The following JUP variants were observed in gnomAD, a reference collection of about 807,000 sequenced individuals.
JUP encodes junction plakoglobin, also known as catenin (cadherin-associated protein), gamma 80kDa.
Under a neutral mutation model 71.1 loss-of-function variants are expected in JUP, and 28 were observed. That is an observed-to-expected ratio of 0.39 (90% CI 0.29 to 0.54). JUP has a LOEUF of 0.54. Among genes scored for constraint, JUP ranks in the 20% least tolerant of loss-of-function variants. The pLI, the probability that JUP is intolerant of heterozygous loss-of-function variation, is 0.62. For missense variants in JUP, 869 were observed against 1,030.1 expected (o/e 0.84, Z 2.14); for synonymous variants, 401 against 438.9 (o/e 0.91, Z 1.08).
chr17:41,767,581 C>T lies in JUP; in HGVS notation c.708-1G>A. Reference sequence around the variant, plus strand: ...GAACAGGACCGACTCCACAGGGGAGCTGGGGGGGTGGGCAGGGGTTAGTAC... The same window carrying T: ...GAACAGGACCGACTCCACAGGGGAGTTGGGGGGGTGGGCAGGGGTTAGTAC... On this transcript the variant is annotated splice_acceptor_variant, in intron 4 of 13. Coordinates refer to ENST00000393931, the MANE Select transcript of JUP (RefSeq NM_002230.4). LOFTEE classifies it high-confidence loss of function. The T allele has an allele frequency of 9.7e-7, 1 of 1,031,848 alleles. No individual in the cohort carries two copies. Among genetic ancestry groups the T allele is most frequent in the Non-Finnish European group, 1.4e-6 (1 of 689,768 alleles). 63.9% of individuals were successfully genotyped at this position (1,031,848 alleles called of 1,614,324 possible). A position where few individuals can be genotyped will look rare whatever the true frequency, so the allele number is the denominator to read the frequency against.
At chr17:41,756,994 G>A (rs1182081399) in intron 12 of JUP, among the ~76,000 whole-genome samples, 1 of 152,222 alleles carries the variant, frequency 6.6e-6, no homozygotes, top group Non-Finnish European at 1.5e-5. Flanking sequence ...GGGTCACCCA[G>A]TGCCCTGATA....
At position 41,760,396 on chromosome 17, in the gene JUP, C is replaced by T. The variant is rs536511383; in HGVS notation, c.1498-1526G>A. On this transcript the variant is annotated intron_variant, in intron 8 of 13. Coordinates refer to ENST00000393931, the MANE Select transcript of JUP (RefSeq NM_002230.4). ...TCAGCCTCCTGAGTAGCTGGGACCA[C>T]AGGCGCCCGCCACCACGCCTGGCTA... Among the ~76,000 whole-genome samples, 4 of 151,346 alleles carry T rather than the reference C, an allele frequency of 2.6e-5. No individual in the cohort carries two copies. In the Middle Eastern group the frequency reaches 0.014, roughly 522 times the overall value.
chr17:41,782,035 C>T (rs2047192465), intron 1 of JUP, among the ~76,000 whole-genome samples: 1 of 152,218 alleles, frequency 6.6e-6, no homozygotes, highest in Non-Finnish European at 1.5e-5. Flanking sequence ...CCTGGGGTCC[C>T]CGCCTGCCCT....
rs1479308804 is a variant in JUP, at chr17:41,755,041, C to T, written c.*703G>A. ...TGGGGGTTTGGGTCTCGAACCTGGGCCCTGGAGGCCCTGGGGGCTTAGGGC... is the reference window on the plus strand; with the variant it reads ...TGGGGGTTTGGGTCTCGAACCTGGGTCCTGGAGGCCCTGGGGGCTTAGGGC... On this transcript the variant is annotated 3_prime_UTR_variant, in exon 14 of 14. Coordinates refer to ENST00000393931, the MANE Select transcript of JUP (RefSeq NM_002230.4). The T allele has an allele frequency of 8.1e-6, 3 of 371,692 alleles. No individual in the cohort carries two copies. The highest frequency in any genetic ancestry group is 4.2e-5 in the African/African-American group (2 of 48,072). The allele number at this position is 371,692 out of a possible 1,614,324, so 23.0% of individuals were successfully genotyped here.
At chr17:41,781,847 C>A (rs1258845262) in intron 1 of JUP, among the ~76,000 whole-genome samples, 2 of 152,206 alleles carry the variant, frequency 1.3e-5, no homozygotes, top group African/African-American at 4.8e-5. Context: ...GCCCCTCCTC[C>A]TGTCTAGACT....
At chr17:41,757,342 C>T in intron 12 of JUP, 73 bp downstream of exon 12, 1 of 1,519,318 alleles carries the variant, frequency 6.6e-7, no homozygotes, top group Admixed American at 1.7e-5. Flanking sequence ...AGTAGGAGAC[C>T]CCCAAAAGTG....
intron 8 of JUP, among the ~76,000 whole-genome samples, chr17:41,760,572 T>A (rs1304045138): frequency 1.3e-5 from 2 of 149,872 alleles, no homozygotes; most frequent in East Asian, 4.0e-4. Flanking sequence ...TTTTTGTTTT[T>A]GTTTTCCAAG....
intron 1 of JUP, among the ~76,000 whole-genome samples, chr17:41,783,893 C>CAAAAAAAAAAAAA (rs35672991): frequency 1.2e-5 from 1 of 81,998 alleles, no homozygotes; most frequent in Non-Finnish European, 2.3e-5. Flanking sequence ...GACTCCATCT[C>CAAAAAAAAAAAAA]AAAAAAAAAA....
Position 41,771,393 on chromosome 17 carries a change from G to A in JUP, c.208+254C>T, listed in dbSNP as rs140530601. 1.9e-5 allele frequency: 11 copies of A among 571,514 alleles called. No homozygotes were observed. In the East Asian group the frequency reaches 3.0e-4, roughly 15 times the overall value. The allele number at this position is 571,514 out of a possible 1,614,324, so 35.4% of individuals were successfully genotyped here. ...CTATGGCTTTTCCTTCAGACTGGAG[G>A]CACCCTAAGGGCAGGGACTATGCCT... is the stretch of plus-strand genomic sequence containing the variant. On this transcript the variant is annotated intron_variant, in intron 2 of 13. Transcript: ENST00000393931.
At chr17:41,768,742 T>C (rs1916099099) in intron 4 of JUP, among the ~76,000 whole-genome samples, 1 of 152,204 alleles carries the variant, frequency 6.6e-6, no homozygotes, top group Non-Finnish European at 1.5e-5. Context: ...CTTTGAGCAA[T>C]CTCAATGCTC....
intron 1 of JUP, among the ~76,000 whole-genome samples, chr17:41,783,642 C>T (rs2143915609): frequency 6.6e-6 from 1 of 151,690 alleles, no homozygotes; most frequent in South Asian, 2.1e-4. Context: ...TGGTTTGGGC[C>T]AGGTGAGGTG....
chr17:41,772,575 C>T (rs1555607447), intron 1 of JUP, among the ~76,000 whole-genome samples: 1 of 152,162 alleles, frequency 6.6e-6, no homozygotes, highest in Non-Finnish European at 1.5e-5. Flanking sequence ...CCCCACAGAA[C>T]CTCAGTGTCC....
At chr17:41,777,025 T>C (rs2046919546) in intron 1 of JUP, among the ~76,000 whole-genome samples, 1 of 151,730 alleles carries the variant, frequency 6.6e-6, no homozygotes, top group Admixed American at 6.6e-5. Context: ...AGAAAAATAA[T>C]AAAAATTTAA....
chr17:41,775,693 G>A (rs1555608434), intron 1 of JUP, among the ~76,000 whole-genome samples: 1 of 152,234 alleles, frequency 6.6e-6, no homozygotes, highest in East Asian at 1.9e-4. Context: ...TCTATTGTTA[G>A]CAGCACGGGA....
chr17:41,784,976 G>A (rs1394013630), intron 1 of JUP: 1 of 152,002 alleles, frequency 6.6e-6, no homozygotes, highest in African/African-American at 2.4e-5. Flanking sequence ...TCTGGGTGGG[G>A]GGGGGCGGTC....
intron 1 of JUP, among the ~76,000 whole-genome samples, chr17:41,785,481 C>G (rs1371514674): frequency 6.6e-6 from 1 of 152,122 alleles, no homozygotes; most frequent in Non-Finnish European, 1.5e-5. Flanking sequence ...CCTCAGGCCC[C>G]TGGGGCCCAG....
rs1462312812 is a variant in JUP, at chr17:41,758,885, G to A, written c.1498-15C>T. On this transcript the variant is annotated splice_polypyrimidine_tract_variant and intron_variant, in intron 8 of 13. Transcript: ENST00000393931. ...CCGATGGTTGCCTGGCAAAAAAAGG[G>A]GCAGTGATCAGGGGCACTTCTTGGA... 1 of 1,603,808 alleles carries A rather than the reference G, an allele frequency of 6.2e-7. No individual in the cohort carries two copies. Among genetic ancestry groups the A allele is most frequent in the Non-Finnish European group, 8.5e-7 (1 of 1,173,712 alleles).
chr17:41,757,686 C>T lies in JUP; in HGVS notation c.1872G>A (p.Glu624=), dbSNP rs2143426547. ...DKEAADAIDA[E]GASAPLMELL... Reference sequence around the variant, plus strand: ...ACTCCATGAGTGGGGCCGAGGCCCCCTCTGCATCAATGGCGTCGGCCGCCT... The same window carrying T: ...ACTCCATGAGTGGGGCCGAGGCCCCTTCTGCATCAATGGCGTCGGCCGCCT... The change falls in exon 11 of 14, where the codon GAG becomes GAA. Residue 624 remains glutamate, a synonymous_variant. Transcript: ENST00000393931. 6.2e-7 allele frequency: 1 copy of T among 1,613,558 alleles called. No homozygotes were observed. Among genetic ancestry groups the T allele is most frequent in the African/African-American group, 1.3e-5 (1 of 75,024 alleles).
At chr17:41,779,019 A>G in intron 1 of JUP, among the ~76,000 whole-genome samples, 1 of 151,692 alleles carries the variant, frequency 6.6e-6, no homozygotes, top group Non-Finnish European at 1.5e-5. Flanking sequence ...GGTGGATCAC[A>G]AGGTCTGGAG....
Sources: allele counts gnomAD v4.1 joint callset (sites outside exome capture counted in the v4.1 genomes callset), GRCh38; gene constraint gnomAD v4.1.1; transcripts MANE v1.5; gene names NCBI Gene and HGNC (gene_info 2026-07-23, HGNC 2026-07-21).